The following RNASET2 variants were observed in gnomAD, a reference collection of about 807,000 sequenced individuals.
RNASET2 encodes the protein ribonuclease 6.
RNASET2 carries 28 observed loss-of-function variants against 33.9 expected under a neutral mutation model. That is an observed-to-expected ratio of 0.83 (90% CI 0.61 to 1.13). The LOEUF is 1.13. Among genes scored for constraint, RNASET2 ranks in the 50% most tolerant of loss-of-function variants. The pLI, the probability that RNASET2 is intolerant of heterozygous loss-of-function variation, is 0.00. For synonymous variants in RNASET2, 123 were observed against 121.0 expected, an observed-to-expected ratio of 1.02 and a Z score of -0.11; for missense variants, 330 against 319.9, an observed-to-expected ratio of 1.03 and a Z score of -0.24.
intron 3 of RNASET2, among the ~76,000 whole-genome samples, chr6:166,947,668 C>T (rs1185571769): frequency 6.6e-6 from 1 of 152,126 alleles, no homozygotes; most frequent in East Asian, 1.9e-4. Flanking sequence ...GAAAGTGAAA[C>T]CCGAAGCCAA....
intron 2 of RNASET2, among the ~76,000 whole-genome samples, chr6:166,950,831 T>C (rs988295888): frequency 1.3e-5 from 2 of 152,234 alleles, no homozygotes; most frequent in Non-Finnish European, 2.9e-5. Context: ...TTGGGTCCTC[T>C]TCACTCACAG....
intron 5 of RNASET2, among the ~76,000 whole-genome samples, chr6:166,942,096 G>A (rs1583224463): frequency 1.6e-5 from 2 of 124,476 alleles, no homozygotes; most frequent in African/African-American, 3.2e-5. Context: ...CCTGTTGCCC[G>A]GGCTGGAGTA....
At chr6:166,951,835 G>A (rs895288181) in intron 2 of RNASET2, among the ~76,000 whole-genome samples, 5 of 152,158 alleles carry the variant, frequency 3.3e-5, no homozygotes, top group Middle Eastern at 3.4e-3. Context: ...TCTTGCCTTG[G>A]CACCTGGGTG....
In RNASET2 at chr6:166,922,512, T is replaced by G. The variant is rs995267894; in HGVS notation, c.*7076A>C. 1.3e-5 allele frequency among the ~76,000 whole-genome samples: 2 copies of G among 152,228 alleles called. No homozygotes were observed. Among genetic ancestry groups the G allele is most frequent in the African/African-American group, 2.4e-5 (1 of 41,458 alleles). ...TGGAGGAGACTCCAATCAACCTGAA[T>G]AGAGTCCACTCAAATGTCTCTTCCC... On this transcript the variant is annotated 3_prime_UTR_variant, in exon 9 of 9. Coordinates refer to ENST00000508775, the MANE Select transcript of RNASET2 (RefSeq NM_003730.6).
rs761333591 is a variant in RNASET2, at chr6:166,938,880, G to A, written c.446+15C>T. The A allele has an allele frequency of 2.5e-6, 4 of 1,568,910 alleles. No individual in the cohort carries two copies. In the South Asian group the frequency reaches 4.4e-5, roughly 17 times the overall value. On this transcript the variant is annotated intron_variant, in intron 6 of 8. Coordinates refer to ENST00000508775, the MANE Select transcript of RNASET2 (RefSeq NM_003730.6). ...TCCCCACTGGGAAGTGCAGCCGGGG[G>A]AAGGGCGCACCCACCTGTTGAGGTC...
In RNASET2 at chr6:166,933,736, T is replaced by C. The variant is rs1349713966; in HGVS notation, c.492+355A>G. The C allele has an allele frequency of 3.4e-6, 1 of 298,108 alleles. No individual in the cohort carries two copies. The highest frequency in any genetic ancestry group is 6.3e-6 in the Non-Finnish European group (1 of 159,852). The allele number at this position is 298,108 out of a possible 1,614,324, so 18.5% of individuals were successfully genotyped here. A position where few individuals can be genotyped will look rare whatever the true frequency, so the allele number is the denominator to read the frequency against. On this transcript the variant is annotated intron_variant, in intron 7 of 8. Transcript: ENST00000508775. This position sits in a 1 kb window ranked among gnomAD's most constrained non-coding sequence, Gnocchi z 4.1. Reference sequence around the variant, plus strand: ...ATAGTTTCTTTTATCATAAAACAAATCACAATTTTATCATGAAAACAAACC... The same window carrying C: ...ATAGTTTCTTTTATCATAAAACAAACCACAATTTTATCATGAAAACAAACC...
At chr6:166,950,202 T>C (rs1182104831) in intron 2 of RNASET2, among the ~76,000 whole-genome samples, 2 of 151,512 alleles carry the variant, frequency 1.3e-5, no homozygotes, top group African/African-American at 4.9e-5. Flanking sequence ...AAGTTCCAGC[T>C]CCTCCTCCAC....
chr6:166,946,359 CG>C (rs3215702), intron 4 of RNASET2, among the ~76,000 whole-genome samples: 18,417 of 152,184 alleles, frequency 0.12, 1,327 homozygotes, highest in African/African-American at 0.18. Flanking sequence ...TGGGACGAGG[CG>C]GGGCTGGCGG....
In RNASET2 at chr6:166,930,591, C is replaced by CACATGCACACATGCATGT. The variant is rs1215864735; in HGVS notation, c.567+435_567+452dup. Among the ~76,000 whole-genome samples, 111 of 151,120 alleles carry CACATGCACACATGCATGT rather than the reference C, an allele frequency of 7.3e-4. 1 individual carries two copies. The highest frequency in any genetic ancestry group is 1.5e-3 in the South Asian group (7 of 4,768). ...CATGCACACACATGCACACACACAG[C>CACATGCACACATGCATGT]ACATGCACACATGCATGTACATGCA... On this transcript the variant is annotated intron_variant, in intron 8 of 8. Transcript: ENST00000508775.
At chr6:166,936,876 AT>A (rs1483228524) in intron 6 of RNASET2, among the ~76,000 whole-genome samples, 1 of 152,228 alleles carries the variant, frequency 6.6e-6, no homozygotes, top group Non-Finnish European at 1.5e-5. Flanking sequence ...TAGATGATTG[AT>A]TTTAAAATTT....
intron 1 of RNASET2, chr6:166,955,523 G>A: frequency 1.0e-6 from 1 of 986,352 alleles, no homozygotes; most frequent in Non-Finnish European, 1.2e-6. Context: ...CTGAAATTAA[G>A]TGTCCCCTCC....
chr6:166,936,950 GGAAA>G (rs1778584438), intron 6 of RNASET2, among the ~76,000 whole-genome samples: 1 of 152,192 alleles, frequency 6.6e-6, no homozygotes, highest in Non-Finnish European at 1.5e-5. Context: ...GAGTCAGCCT[GGAAA>G]ACACCAGCAC....
In RNASET2 at chr6:166,947,575, C is replaced by G. The variant is rs73041482; in HGVS notation, c.204-836G>C. On this transcript the variant is annotated intron_variant, in intron 3 of 8. Coordinates refer to ENST00000508775, the MANE Select transcript of RNASET2 (RefSeq NM_003730.6). ...GTACATTCAGAGCACTTGGTCACAG[C>G]AGGGGAGAGGACACCACGCAAAGTC... Among the ~76,000 whole-genome samples the G allele has an allele frequency of 6.1e-3, 932 of 152,274 alleles. 1 individual carries two copies. Among genetic ancestry groups the G allele is most frequent in the Non-Finnish European group, 8.8e-3 (599 of 68,020 alleles).
Position 166,955,701 on chromosome 6 carries a change from CA to C in RNASET2, c.86+395del, listed in dbSNP as rs1190034164. On this transcript the variant is annotated intron_variant, in intron 1 of 8. Transcript: ENST00000508775. Reference sequence around the variant, plus strand: ...CCTCACCCTACCCCCTACTCCTTCCCAGGGGTCACCCCGGGGAGTGTTCAGG... The same window carrying C: ...CCTCACCCTACCCCCTACTCCTTCCCGGGGTCACCCCGGGGAGTGTTCAGG... 4 of 1,092,318 alleles carry C rather than the reference CA, an allele frequency of 3.7e-6. No individual in the cohort carries two copies. In the African/African-American group the frequency reaches 6.7e-5, roughly 18 times the overall value. The allele number at this position is 1,092,318 out of a possible 1,614,324, so 67.7% of individuals were successfully genotyped here.
chr6:166,936,825 C>T (rs778839085), intron 6 of RNASET2, among the ~76,000 whole-genome samples: 1 of 152,206 alleles, frequency 6.6e-6, no homozygotes, highest in Non-Finnish European at 1.5e-5. Context: ...TAAGTAGGAG[C>T]CACTTAATAA....
At chr6:166,943,227 T>C (rs1778735997) in intron 4 of RNASET2, 138 bp from the exon 5 acceptor site, 4 of 660,540 alleles carry the variant, frequency 6.1e-6, no homozygotes, top group South Asian at 3.2e-5. Flanking sequence ...AATAATCCTA[T>C]GCTTATTTTG....
rs996602280 is a variant in RNASET2 at position 166,926,851 on chromosome 6, A to G, written c.*2737T>C. The stretch of plus-strand genomic sequence containing the variant: ...GCCTAGTCCACGGGTCCTCTTTTCC[A>G]TGGTGCCGCAGAGATGCTCCAGGCA... On this transcript the variant is annotated 3_prime_UTR_variant, in exon 9 of 9. Transcript: ENST00000508775. Among the ~76,000 whole-genome samples the G allele has an allele frequency of 6.6e-6, 1 of 152,118 alleles. No homozygotes were observed. The highest frequency in any genetic ancestry group is 1.5e-5 in the Non-Finnish European group (1 of 68,010).
Position 166,956,171 on chromosome 6 carries a change from T to C in RNASET2, c.12A>G (p.Ala4=). Residue 4 remains alanine (A), a synonymous_variant, in exon 1 of 9, where the codon GCA becomes GCG. Transcript: ENST00000508775. The part of the protein sequence containing the change: MRP[A]ALRGALLGCL... Reference sequence around the variant, plus strand: ...AGCCCAGCAGGGCCCCGCGCAGGGCTGCAGGGCGCATGGTGCCGACCTGCG... The same window carrying C: ...AGCCCAGCAGGGCCCCGCGCAGGGCCGCAGGGCGCATGGTGCCGACCTGCG... 2 of 1,549,566 alleles carry C rather than the reference T, an allele frequency of 1.3e-6. No individual in the cohort carries two copies. The highest frequency in any genetic ancestry group is 1.7e-6 in the Non-Finnish European group (2 of 1,146,514).
rs375534540 is a variant in RNASET2, at chr6:166,946,524, G to C, written c.261+158C>G. Reference sequence around the variant, plus strand: ...GTCAATTGGTGTAATTTGTGGGGTCGAGATAACAATACTTACTAAAACAGC... The same window carrying C: ...GTCAATTGGTGTAATTTGTGGGGTCCAGATAACAATACTTACTAAAACAGC... On this transcript the variant is annotated intron_variant, in intron 4 of 8. Transcript: ENST00000508775. 335 of 657,178 alleles carry C rather than the reference G, an allele frequency of 5.1e-4. 1 individual carries two copies. Among genetic ancestry groups the C allele is most frequent in the African/African-American group, 5.0e-3 (273 of 55,078 alleles). 40.7% of individuals were successfully genotyped at this position (657,178 alleles called of 1,614,324 possible).
Sources: gnomAD v4.1 joint callset for allele counts (sites outside exome capture counted in the v4.1 genomes callset) on GRCh38, gnomAD v4.1.1 for gene constraint, Gnocchi (gnomAD v3.1) non-coding constraint, MANE v1.5 for transcripts, NCBI Gene and HGNC (gene_info 2026-07-23, HGNC 2026-07-21) for gene names.